HRH4: variants seen among roughly 807,000 people sequenced by gnomAD.
HRH4 encodes the protein histamine H4 receptor.
HRH4 carries 12 observed loss-of-function variants against 10.4 expected under a neutral mutation model. That is an observed-to-expected ratio of 1.15 (90% confidence interval 0.74 to 1.87). The LOEUF (loss-of-function observed/expected upper bound fraction) is 1.87, where lower values mean the gene tolerates loss of function less well. HRH4 is among the 40% of genes most tolerant of loss of function. HRH4 has a pLI of 0.00. For missense variants in HRH4, 415 were observed against 453.3 expected (o/e 0.92, Z 0.77); for synonymous variants, 154 against 166.6 (o/e 0.92, Z 0.58).
intron 1 of HRH4, among the ~76,000 whole-genome samples, chr18:24,463,070 C>T (rs1182623418): frequency 2.0e-5 from 3 of 152,136 alleles, no homozygotes; most frequent in Non-Finnish European, 4.4e-5. Context: ...GCTGAGAGAG[C>T]CTGGGGCCTG....
At chr18:24,473,824 A>G (rs554281022) in intron 2 of HRH4, among the ~76,000 whole-genome samples, 2 of 152,308 alleles carry the variant, frequency 1.3e-5, no homozygotes, top group East Asian at 3.9e-4. Context: ...GGCCTCACCA[A>G]AAAAACCTGA....
At chr18:24,472,201 G>A (rs678431) in intron 2 of HRH4, among the ~76,000 whole-genome samples, 135,732 of 152,236 alleles carry the variant, frequency 0.89, 60,790 homozygotes, top group African/African-American at 0.93. Context: ...GCGTGCCAGC[G>A]CGCTTGGCCA....
At chr18:24,476,232 C>A (rs920225775) in intron 2 of HRH4, among the ~76,000 whole-genome samples, 3 of 152,088 alleles carry the variant, frequency 2.0e-5, no homozygotes, top group African/African-American at 7.2e-5. Context: ...TTCAGAGAAG[C>A]TGCATTTCTC....
At position 24,467,150 on chromosome 18, in the gene HRH4, C is replaced by T. The variant is rs149611233; in HGVS notation, c.194-1638C>T. Among the ~76,000 whole-genome samples, 7 of 152,278 alleles carry T rather than the reference C, an allele frequency of 4.6e-5. No homozygotes were observed. In the East Asian group the frequency reaches 1.2e-3, roughly 25 times the overall value. ...ACTGTTAACTCAGCATGGTCCCTTC[C>T]TCACAAAGTTTCTATGAAGATGAAA... On this transcript the variant is annotated intron_variant, in intron 1 of 2. Transcript: ENST00000256906.
intron 2 of HRH4, among the ~76,000 whole-genome samples, chr18:24,470,624 C>T (rs1225379275): frequency 1.3e-5 from 2 of 151,148 alleles, no homozygotes; most frequent in East Asian, 3.9e-4. Context: ...CTGCCTCAGC[C>T]TCCCGAGTAG....
At chr18:24,476,651 C>T (rs17259800) in intron 2 of HRH4, 96 bp from the exon 3 acceptor site, 228,837 of 939,402 alleles carry the variant, frequency 0.24, 29,680 homozygotes, top group East Asian at 0.47. Context: ...ATGTCTCCAT[C>T]CTTTGCACAT....
In HRH4 at chr18:24,473,543, G is replaced by A. The variant is rs571136668; in HGVS notation, c.358-3204G>A. The stretch of plus-strand genomic sequence containing the variant: ...CAGTCTTTACATCTGTTGTAACGTG[G>A]TGTTGTCTCCCTGGGTCTGTGTCTG... On this transcript the variant is annotated intron_variant, in intron 2 of 2. Coordinates refer to ENST00000256906, the MANE Select transcript of HRH4 (RefSeq NM_021624.4). Among the ~76,000 whole-genome samples the A allele has an allele frequency of 2.6e-5, 4 of 152,222 alleles. No individual in the cohort carries two copies. In the South Asian group the frequency reaches 8.3e-4, roughly 32 times the overall value.
rs1490613951 is a variant in HRH4 at position 24,479,546 on chromosome 18, T to G, written c.*1984T>G. The G allele has an allele frequency of 6.6e-6, 1 of 152,240 alleles. No individual in the cohort carries two copies. The highest frequency in any genetic ancestry group is 1.5e-5 in the Non-Finnish European group (1 of 68,050). The allele number at this position is 152,240 out of a possible 1,614,324, so 9.4% of individuals were successfully genotyped here. On this transcript the variant is annotated 3_prime_UTR_variant, in exon 3 of 3. Transcript: ENST00000256906. ...TCACTGCAGCCCTGACTGCCTAGGC[T>G]CCAGCAATCTTCTTACGTCAGCCTC...
chr18:24,462,838 C>T (rs1241940415), intron 1 of HRH4, among the ~76,000 whole-genome samples: 1 of 152,224 alleles, frequency 6.6e-6, no homozygotes, highest in Non-Finnish European at 1.5e-5. Context: ...CCTTCCACAT[C>T]ATTCTCTGTG....
At chr18:24,474,828 G>A (rs1910090166) in intron 2 of HRH4, among the ~76,000 whole-genome samples, 1 of 151,952 alleles carries the variant, frequency 6.6e-6, no homozygotes, top group Admixed American at 6.6e-5. Flanking sequence ...TGGGACTACA[G>A]GTGCGAGCCA....
rs372177844 is a variant in HRH4 at position 24,477,112 on chromosome 18, G to T, written c.723G>T (p.Ser241=). 4.9e-5 allele frequency: 79 copies of T among 1,614,020 alleles called. No homozygotes were observed. The highest frequency in any genetic ancestry group is 6.5e-5 in the Non-Finnish European group (77 of 1,180,014). Residue 241 remains serine, a synonymous_variant, in exon 3 of 3, where the codon TCG becomes TCT. Transcript: ENST00000256906. The part of the protein sequence containing the change: ...RLSSRRSLSA[S]TEVPASFHSE... ...CTTCAAGGAGATCTCTTTCTGCATC[G>T]ACAGAAGTTCCTGCATCCTTTCATT...
rs1185497850 is a variant in HRH4, at chr18:24,477,295, C to T, written c.906C>T (p.Ala302=). ...AACTGCTTAGAGCCAGGAGATTAGCCAAGTCACTGGCCATTCTCTTAGGGG... is the reference window on the plus strand; with the variant it reads ...AACTGCTTAGAGCCAGGAGATTAGCTAAGTCACTGGCCATTCTCTTAGGGG... ...HVELLRARRL[A]KSLAILLGVF... Residue 302 remains alanine (A), a synonymous_variant, in exon 3 of 3, where the codon GCC becomes GCT. Transcript: ENST00000256906. 1 of 1,614,074 alleles carries T rather than the reference C, an allele frequency of 6.2e-7. No homozygotes were observed. The highest frequency in any genetic ancestry group is 8.5e-7 in the Non-Finnish European group (1 of 1,180,036).
Position 24,473,809 on chromosome 18 carries a change from C to T in HRH4, c.358-2938C>T, listed in dbSNP as rs189064034. ...TGAACACCAACAAGTTCTAGTAGGC[C>T]GCTCGGCCTCACCAAAAAAACCTGA... On this transcript the variant is annotated intron_variant, in intron 2 of 2. Coordinates refer to ENST00000256906, the MANE Select transcript of HRH4 (RefSeq NM_021624.4). 1.9e-3 allele frequency among the ~76,000 whole-genome samples: 290 copies of T among 152,172 alleles called. 2 individuals are homozygous for T. Among genetic ancestry groups the T allele is most frequent in the Middle Eastern group, 0.01 (3 of 294 alleles).
chr18:24,471,606 CAAAAAAAAAA>C (rs60730879), intron 2 of HRH4, among the ~76,000 whole-genome samples: 2 of 51,388 alleles, frequency 3.9e-5, no homozygotes, highest in African/African-American at 9.2e-5. Flanking sequence ...GACTCCATCT[CAAAAAAAAAA>C]AAAAAAAAAA....
rs1386043934 is a variant in HRH4 at position 24,479,833 on chromosome 18, GT to G, written c.*2272del. On this transcript the variant is annotated 3_prime_UTR_variant, in exon 3 of 3. Coordinates refer to ENST00000256906, the MANE Select transcript of HRH4 (RefSeq NM_021624.4). ...AAATACAAGTCTTTTAAGTACATGA[GT>G]GCTTAGAAATGTACATAATGTTTAT... The G allele has an allele frequency of 2.0e-5, 3 of 152,040 alleles. No individual in the cohort carries two copies. The highest frequency in any genetic ancestry group is 7.2e-5 in the African/African-American group (3 of 41,382). The allele number at this position is 152,040 out of a possible 1,614,324, so 9.4% of individuals were successfully genotyped here.
Position 24,460,922 on chromosome 18 carries a change from G to A in HRH4, c.193+1G>A, listed in dbSNP as rs1263628295. On this transcript the variant is annotated splice_donor_variant, in intron 1 of 2. Coordinates refer to ENST00000256906, the MANE Select transcript of HRH4 (RefSeq NM_021624.4). LOFTEE classifies it high-confidence loss of function. ...TTGGCCATCTCTGACTTCTTTGTGGGTAAGTTATATGTCTTTATTTAAGAC... is the reference window on the plus strand; with the variant it reads ...TTGGCCATCTCTGACTTCTTTGTGGATAAGTTATATGTCTTTATTTAAGAC... 3.9e-6 allele frequency: 6 copies of A among 1,540,946 alleles called. No individual in the cohort carries two copies. The highest frequency in any genetic ancestry group is 5.3e-6 in the Non-Finnish European group (6 of 1,128,598).
intron 2 of HRH4, among the ~76,000 whole-genome samples, chr18:24,471,930 G>C (rs1188322218): frequency 6.6e-6 from 1 of 152,224 alleles, no homozygotes; most frequent in African/African-American, 2.4e-5. Context: ...TCTCAGGTTT[G>C]TGGGCAGAAA....
intron 1 of HRH4, among the ~76,000 whole-genome samples, chr18:24,466,193 G>A (rs1568096025): frequency 6.6e-6 from 1 of 151,468 alleles, no homozygotes; most frequent in African/African-American, 2.4e-5. Context: ...GCTCACTCCA[G>A]CCTTGACCTC....
chr18:24,468,210 A>T (rs1909828704), intron 1 of HRH4, among the ~76,000 whole-genome samples: 1 of 151,862 alleles, frequency 6.6e-6, no homozygotes, highest in Admixed American at 6.6e-5. Context: ...ATTATTTATT[A>T]TTATTTTTAA....
Sources: allele counts gnomAD v4.1 joint callset (sites outside exome capture counted in the v4.1 genomes callset), GRCh38; gene constraint gnomAD v4.1.1; transcripts MANE v1.5; gene names NCBI Gene and HGNC (gene_info 2026-07-23, HGNC 2026-07-21).